The following PCDH15 variants were observed in gnomAD, a reference collection of about 807,000 sequenced individuals.
PCDH15 encodes protocadherin related 15, also known as protocadherin-15.
In PCDH15, 129 loss-of-function variants were observed where a neutral mutation model predicts 178.5. That is an observed-to-expected ratio of 0.72 (90% CI 0.63 to 0.84). The LOEUF is 0.84. PCDH15 is among the 40% of genes least tolerant of loss of function. The pLI is 0.00. For missense variants in PCDH15, 2,230 were observed against 2,099.9 expected (o/e 1.06, Z -1.21); for synonymous variants, 800 against 732.0 (o/e 1.09, Z -1.50).
At chr10:54,508,144 T>G (rs1038528830) in intron 3 of PCDH15, among the ~76,000 whole-genome samples, 3 of 152,028 alleles carry the variant, frequency 2.0e-5, no homozygotes, top group Non-Finnish European at 4.4e-5. Flanking sequence ...GGAGTTAACA[T>G]CCTACTGTAT....
intron 1 of PCDH15, among the ~76,000 whole-genome samples, chr10:55,192,019 A>T (rs1198708709): frequency 6.6e-6 from 1 of 151,960 alleles, no homozygotes; most frequent in Non-Finnish European, 1.5e-5. Flanking sequence ...TTCCATTGTC[A>T]GTGTAAGATA....
chr10:54,635,556 T>C (rs1161569447), intron 2 of PCDH15, among the ~76,000 whole-genome samples: 4 of 151,906 alleles, frequency 2.6e-5, no homozygotes, highest in African/African-American at 9.7e-5. Flanking sequence ...ATATAATACA[T>C]TAAGCATTGT....
At chr10:54,029,667 C>A (rs996560106) in intron 18 of PCDH15, among the ~76,000 whole-genome samples, 4 of 152,062 alleles carry the variant, frequency 2.6e-5, no homozygotes, top group Non-Finnish European at 4.4e-5. Flanking sequence ...TTTATTGAAC[C>A]AAAGTTTTTT....
chr10:54,425,433 A>G (rs954397802), intron 3 of PCDH15, among the ~76,000 whole-genome samples: 9 of 152,182 alleles, frequency 5.9e-5, no homozygotes, highest in African/African-American at 1.9e-4. Flanking sequence ...GGCTCTCAAA[A>G]GATATGCCCC....
chr10:54,328,584 A>G (rs857391), intron 7 of PCDH15, among the ~76,000 whole-genome samples: 110,443 of 151,902 alleles, frequency 0.73, 41,115 homozygotes, highest in African/African-American at 0.82. Flanking sequence ...ATACAAGTCT[A>G]GAAGGAGATG....
At chr10:54,169,614 C>T (rs1251804599) in intron 13 of PCDH15, among the ~76,000 whole-genome samples, 18 of 150,008 alleles carry the variant, frequency 1.2e-4, no homozygotes, top group African/African-American at 2.2e-4. Context: ...GCCTCCTTTG[C>T]ATACTCCTCT....
At chr10:54,279,856 G>A (rs182164170) in intron 8 of PCDH15, among the ~76,000 whole-genome samples, 2 of 151,764 alleles carry the variant, frequency 1.3e-5, no homozygotes, top group Admixed American at 6.6e-5. Flanking sequence ...TAGACATCTG[G>A]TTTATCAGAA....
At chr10:54,760,048 G>T (rs1947671512) in intron 1 of PCDH15, among the ~76,000 whole-genome samples, 1 of 151,974 alleles carries the variant, frequency 6.6e-6, no homozygotes, top group East Asian at 1.9e-4. Context: ...TGGCTCATAG[G>T]GCATAACTTA....
intron 3 of PCDH15, among the ~76,000 whole-genome samples, chr10:54,423,530 A>G (rs1237858064): frequency 6.6e-6 from 1 of 151,724 alleles, no homozygotes; most frequent in African/African-American, 2.4e-5. Flanking sequence ...ATCATTCACA[A>G]TTTCTTTAGA....
intron 25 of PCDH15, among the ~76,000 whole-genome samples, chr10:53,933,778 A>C: frequency 6.6e-6 from 1 of 152,148 alleles, no homozygotes; most frequent in East Asian, 1.9e-4. Context: ...GAACTAGCTT[A>C]CAGTCCCACC....
At chr10:54,890,554 C>T (rs1056854862) in intron 3 of PCDH15, among the ~76,000 whole-genome samples, 4 of 151,892 alleles carry the variant, frequency 2.6e-5, no homozygotes, top group African/African-American at 9.7e-5. Flanking sequence ...AAGAGAAAGG[C>T]TTTGAGGTCC....
At chr10:54,110,637 G>A (rs1217086310) in intron 15 of PCDH15, among the ~76,000 whole-genome samples, 1 of 152,094 alleles carries the variant, frequency 6.6e-6, no homozygotes, top group African/African-American at 2.4e-5. Flanking sequence ...GGTAAGGAAT[G>A]GCTCAGTCCA....
chr10:55,450,417 C>G (rs957629022), intron 2 of PCDH15, among the ~76,000 whole-genome samples: 1 of 152,140 alleles, frequency 6.6e-6, no homozygotes, highest in Non-Finnish European at 1.5e-5. Flanking sequence ...TAGAAATAGG[C>G]TACAGGCATC....
chr10:55,004,249 C>T (rs116439840), intron 2 of PCDH15, among the ~76,000 whole-genome samples: 2,476 of 152,014 alleles, frequency 0.016, 78 homozygotes, highest in African/African-American at 0.054. Context: ...ATGAAGTTGC[C>T]CACAAAGACT....
chr10:55,511,079 C>T (rs763679655), intron 2 of PCDH15, among the ~76,000 whole-genome samples: 1 of 150,728 alleles, frequency 6.6e-6, no homozygotes, highest in Non-Finnish European at 1.5e-5. Flanking sequence ...ACAGGTCTTT[C>T]CCAGGGTGGT....
At chr10:55,337,542 G>A (rs773994828) in intron 2 of PCDH15, among the ~76,000 whole-genome samples, 3 of 152,188 alleles carry the variant, frequency 2.0e-5, no homozygotes, top group Admixed American at 6.5e-5. Context: ...TAACATACTA[G>A]AATGTATGGT....
At chr10:55,492,244 A>G (rs1450706979) in intron 2 of PCDH15, among the ~76,000 whole-genome samples, 3 of 151,722 alleles carry the variant, frequency 2.0e-5, no homozygotes, top group Non-Finnish European at 4.4e-5. Context: ...AGAAAAAAAA[A>G]TTATCTCTCA....
chr10:55,579,484 A>G (rs1299376525), intron 2 of PCDH15, among the ~76,000 whole-genome samples: 4 of 152,164 alleles, frequency 2.6e-5, no homozygotes, highest in Non-Finnish European at 5.9e-5. Context: ...AACTGTCCTT[A>G]GCTAAAATTT....
intron 3 of PCDH15, among the ~76,000 whole-genome samples, chr10:54,461,248 T>C (rs142755383): frequency 5.1e-4 from 78 of 152,278 alleles, no homozygotes; most frequent in African/African-American, 1.8e-3. Flanking sequence ...TACATATTTG[T>C]GCTATTGTAG....
Sources: allele counts gnomAD v4.1 joint callset (sites outside exome capture counted in the v4.1 genomes callset), GRCh38; gene constraint gnomAD v4.1.1; transcripts MANE v1.5; gene names NCBI Gene and HGNC (gene_info 2026-07-23, HGNC 2026-07-21).